The following ASXL2 variants were observed in gnomAD, a reference collection of about 807,000 sequenced individuals.
The protein encoded by ASXL2 is ASXL transcriptional regulator 2.
A neutral mutation model predicts 122.0 loss-of-function variants in ASXL2; 23 were observed. The ratio of observed to expected loss-of-function variants is 0.19; its 90% CI spans 0.14 to 0.27. The LOEUF (loss-of-function observed/expected upper bound fraction) is 0.27. Among genes scored for constraint, ASXL2 ranks in the 10% least tolerant of loss-of-function variants. The probability of loss-of-function intolerance (pLI) is 1.00; values close to 1 mark genes in which losing one functional copy is unlikely to be tolerated. For synonymous variants in ASXL2, 650 were observed against 637.0 expected (o/e 1.02, Z -0.31); for missense variants, 1,518 against 1,713.8 (o/e 0.89, Z 2.02).
intron 5 of ASXL2, among the ~76,000 whole-genome samples, chr2:25,785,452 T>C (rs1342637170): frequency 2.0e-5 from 3 of 151,774 alleles, no homozygotes; most frequent in Non-Finnish European, 4.4e-5. Context: ...CTCAAACTCC[T>C]GACCTCAAGT....
chr2:25,772,511 T>C (rs2088472576), intron 5 of ASXL2, among the ~76,000 whole-genome samples: 1 of 152,140 alleles, frequency 6.6e-6, no homozygotes, highest in East Asian at 1.9e-4. Context: ...GGTGGGTGGA[T>C]GACCTGAGGT....
intron 3 of ASXL2, among the ~76,000 whole-genome samples, chr2:25,811,775 G>A (rs2089173859): frequency 6.6e-6 from 1 of 151,864 alleles, no homozygotes; most frequent in Non-Finnish European, 1.5e-5. Flanking sequence ...TTTTTGAGAT[G>A]GAGTCTCACT....
intron 1 of ASXL2, among the ~76,000 whole-genome samples, chr2:25,847,708 G>C (rs754279540): frequency 3.4e-4 from 52 of 152,186 alleles, no homozygotes; most frequent in Admixed American, 7.2e-4. Flanking sequence ...GTTCACAAAA[G>C]GGTTAATATA....
Position 25,759,328 on chromosome 2 carries a change from G to T in ASXL2, c.939+154C>A, listed in dbSNP as rs1384371450. ...ATAATTCTGTCATCTTGAAATTCTGGTAGGAGAATTTTTTTTTCCTAAGCC... is the reference window on the plus strand; with the variant it reads ...ATAATTCTGTCATCTTGAAATTCTGTTAGGAGAATTTTTTTTTCCTAAGCC... On this transcript the variant is annotated intron_variant, in intron 9 of 12. Transcript: ENST00000435504. 2.0e-5 allele frequency among the ~76,000 whole-genome samples: 3 copies of T among 151,966 alleles called. No homozygotes were observed. In the South Asian group the frequency reaches 6.2e-4, roughly 32 times the overall value.
intron 5 of ASXL2, among the ~76,000 whole-genome samples, chr2:25,790,886 C>G (rs2088821238): frequency 7.1e-6 from 1 of 141,460 alleles, no homozygotes; most frequent in Admixed American, 7.6e-5. Flanking sequence ...TCACTGTGGT[C>G]TCAAACTTCT....
intron 5 of ASXL2, among the ~76,000 whole-genome samples, chr2:25,797,748 C>T (rs2088931773): frequency 6.6e-6 from 1 of 152,204 alleles, no homozygotes; most frequent in African/African-American, 2.4e-5. Context: ...CTGACGAGGA[C>T]ATGAAGCAAC....
intron 7 of ASXL2, 114 bp downstream of exon 7, chr2:25,768,628 T>A (rs2088393685): frequency 2.6e-6 from 3 of 1,158,106 alleles, no homozygotes; most frequent in Non-Finnish European, 3.6e-6. Flanking sequence ...AGTACAAGGA[T>A]TGTGTAAGTA....
rs1343195744 is a variant in ASXL2 at position 25,734,828 on chromosome 2, G to A, written c.*7201C>T. On this transcript the variant is annotated 3_prime_UTR_variant, in exon 13 of 13. Coordinates refer to ENST00000435504, the MANE Select transcript of ASXL2 (RefSeq NM_018263.6). ...ACAGAATGTCTCAAATCAAACTCCA[G>A]GTTACATTCATGGCAATTCAACATT... The A allele has an allele frequency of 6.6e-6, 1 of 152,046 alleles. No individual in the cohort carries two copies. The highest frequency in any genetic ancestry group is 1.5e-5 in the Non-Finnish European group (1 of 67,992). The allele number at this position is 152,046 out of a possible 1,614,324, so 9.4% of individuals were successfully genotyped here.
chr2:25,777,083 T>A (rs1559508086), intron 5 of ASXL2, among the ~76,000 whole-genome samples: 1 of 152,152 alleles, frequency 6.6e-6, no homozygotes, highest in Non-Finnish European at 1.5e-5. Flanking sequence ...ACTCTAACTT[T>A]TAAAATTATT....
rs551988700 is a variant in ASXL2, at chr2:25,865,647, C to T, written c.57+12519G>A. On this transcript the variant is annotated intron_variant, in intron 1 of 12. Transcript: ENST00000435504. ...AAAATTAGCCAGGCATGGTGGCGGG[C>T]GCCTGTAGTCCCAGCTACTTAGGAG... 2.6e-3 allele frequency among the ~76,000 whole-genome samples: 392 copies of T among 148,016 alleles called. 3 individuals carry two copies. The highest frequency in any genetic ancestry group is 9.3e-3 in the African/African-American group (376 of 40,336).
chr2:25,781,556 CTTTT>C (rs75386706), intron 5 of ASXL2, among the ~76,000 whole-genome samples: 1 of 128,728 alleles, frequency 7.8e-6, no homozygotes. Flanking sequence ...ATCTCAAATT[CTTTT>C]TTTTTTTTTT....
At chr2:25,831,476 A>T (rs2089450502) in intron 3 of ASXL2, among the ~76,000 whole-genome samples, 2 of 152,084 alleles carry the variant, frequency 1.3e-5, no homozygotes, top group African/African-American at 4.8e-5. Flanking sequence ...CAACATGATG[A>T]AACCCTGCCT....
intron 3 of ASXL2, among the ~76,000 whole-genome samples, chr2:25,813,586 A>C (rs1218700317): frequency 6.6e-6 from 1 of 152,254 alleles, no homozygotes; most frequent in Non-Finnish European, 1.5e-5. Flanking sequence ...AAGAGACTGT[A>C]AAGTGTGTAC....
intron 5 of ASXL2, among the ~76,000 whole-genome samples, chr2:25,777,099 T>C (rs1322099314): frequency 2.0e-5 from 3 of 152,166 alleles, no homozygotes; most frequent in Non-Finnish European, 4.4e-5. Flanking sequence ...TTATTATATG[T>C]TATTTTTGAG....
chr2:25,804,269 A>G (rs985800553), intron 4 of ASXL2, among the ~76,000 whole-genome samples: 7 of 152,230 alleles, frequency 4.6e-5, no homozygotes, highest in African/African-American at 1.7e-4. Context: ...GTCACTGCCT[A>G]CCAAGCATTC....
intron 1 of ASXL2, among the ~76,000 whole-genome samples, chr2:25,871,761 T>C (rs755249999): frequency 6.6e-6 from 1 of 152,178 alleles, no homozygotes; most frequent in African/African-American, 2.4e-5. Context: ...CCTGGCTAAT[T>C]TGAAATTAAC....
At position 25,734,055 on chromosome 2, in the gene ASXL2, GTTTTT is replaced by G. The variant is rs879279365; in HGVS notation, c.*7969_*7973del. On this transcript the variant is annotated 3_prime_UTR_variant, in exon 13 of 13. Coordinates refer to ENST00000435504, the MANE Select transcript of ASXL2 (RefSeq NM_018263.6). ...CAATGCAGTCACAGAATTAAGACAGGTTTTTTTTTTTTAAAAAAAATAGGTCAAAG... is the reference window on the plus strand; with the variant it reads ...CAATGCAGTCACAGAATTAAGACAGGTTTTTTTAAAAAAAATAGGTCAAAG... 2 of 134,452 alleles carry G rather than the reference GTTTTT, an allele frequency of 1.5e-5. No individual in the cohort carries two copies. Among genetic ancestry groups the G allele is most frequent in the Non-Finnish European group, 3.3e-5 (2 of 61,058 alleles). The allele number at this position is 134,452 out of a possible 1,614,324, so 8.3% of individuals were successfully genotyped here. A position where few individuals can be genotyped will look rare whatever the true frequency, so the allele number is the denominator to read the frequency against.
rs544400353 is a variant in ASXL2 at position 25,845,267 on chromosome 2, C to A, written c.140+214G>T. On this transcript the variant is annotated intron_variant, in intron 2 of 12. Coordinates refer to ENST00000435504, the MANE Select transcript of ASXL2 (RefSeq NM_018263.6). ...AAGTGCATGGGCTTAAAGATAGCTA[C>A]CCTCTAAGAATTGGTTTTAAAACCT... The A allele has an allele frequency of 4.8e-5, 33 of 684,794 alleles. 1 individual carries two copies. Among genetic ancestry groups the A allele is most frequent in the South Asian group, 3.9e-4 (27 of 69,550 alleles). The allele number at this position is 684,794 out of a possible 1,614,324, so 42.4% of individuals were successfully genotyped here.
chr2:25,863,328 C>CAAAAAAAAAAAAAAA, intron 1 of ASXL2, among the ~76,000 whole-genome samples: 1 of 142,158 alleles, frequency 7.0e-6, no homozygotes, highest in African/African-American at 2.6e-5. Context: ...GACTCCATCT[C>CAAAAAAAAAAAAAAA]CAAAAAAAAA....
Sources: allele counts gnomAD v4.1 joint callset (sites outside exome capture counted in the v4.1 genomes callset), GRCh38; gene constraint gnomAD v4.1.1; transcripts MANE v1.5; gene names NCBI Gene and HGNC (gene_info 2026-07-23, HGNC 2026-07-21).